The following NEK10 variants were observed in gnomAD, a reference collection of about 807,000 sequenced individuals.
NEK10 encodes the protein serine/threonine-protein kinase Nek10.
A neutral mutation model predicts 159.8 loss-of-function variants in NEK10; 122 were observed. The observed-to-expected ratio is 0.76, with a 90% CI of 0.66 to 0.89. The LOEUF is 0.89. Ranked by LOEUF, NEK10 falls within the 40% of genes least tolerant of loss-of-function variation. The pLI, the probability that NEK10 is intolerant of heterozygous loss-of-function variation, is 0.00. For synonymous variants in NEK10, 466 were observed against 457.1 expected, an observed-to-expected ratio of 1.02 and a Z score of -0.25; for missense variants, 1,342 against 1,323.1, an observed-to-expected ratio of 1.01 and a Z score of -0.22.
At position 27,310,809 on chromosome 3, in the gene NEK10, A is replaced by G. The variant is rs542000433; in HGVS notation, c.636+140T>C. 1.3e-5 allele frequency: 7 copies of G among 521,496 alleles called. No homozygotes were observed. The African/African-American group carries it at 1.4e-4, about 10-fold the overall frequency. 32.3% of individuals were successfully genotyped at this position (521,496 alleles called of 1,614,324 possible). On this transcript the variant is annotated intron_variant, in intron 9 of 35. Transcript: ENST00000691995. ...TGGTAAAGAATATAAAAGGGTTGAC[A>G]AAGATCCACAATCTCAGGCCAGGCT...
intron 28 of NEK10, among the ~76,000 whole-genome samples, chr3:27,172,524 A>G (rs1215229793): frequency 6.6e-6 from 1 of 152,070 alleles, no homozygotes; most frequent in African/African-American, 2.4e-5. Context: ...CACAACCACC[A>G]GGATATGAAA....
At chr3:27,272,767 G>C (rs1431989232) in intron 22 of NEK10, among the ~76,000 whole-genome samples, 3 of 152,152 alleles carry the variant, frequency 2.0e-5, no homozygotes, top group Middle Eastern at 3.2e-3. Flanking sequence ...TGATGACACA[G>C]ACTTTAGGGA....
At chr3:27,162,535 A>G in intron 30 of NEK10, 166 bp downstream of exon 30, 3 of 1,614,138 alleles carry the variant, frequency 1.9e-6, no homozygotes, top group Non-Finnish European at 1.7e-6. Context: ...CTCAGCCTCT[A>G]TTTCCTTAAT....
chr3:27,236,310 A>AAAT (rs1953908637), intron 23 of NEK10, among the ~76,000 whole-genome samples: 1 of 152,180 alleles, frequency 6.6e-6, no homozygotes, highest in African/African-American at 2.4e-5. Context: ...ATAAGTAAAT[A>AAAT]AATAAATGAA....
chr3:27,247,646 C>T (rs1955206710), intron 23 of NEK10, among the ~76,000 whole-genome samples: 1 of 152,006 alleles, frequency 6.6e-6, no homozygotes, highest in Non-Finnish European at 1.5e-5. Flanking sequence ...ATCATTCCTC[C>T]CGCCTCAGCC....
chr3:27,237,863 G>T (rs1183163725), intron 23 of NEK10, among the ~76,000 whole-genome samples: 1 of 152,126 alleles, frequency 6.6e-6, no homozygotes, highest in Non-Finnish European at 1.5e-5. Flanking sequence ...AGTCATCCTT[G>T]CAAAACCAGC....
At chr3:27,127,005 AAAACAAAC>A (rs199595793) in intron 32 of NEK10, among the ~76,000 whole-genome samples, 2 of 151,848 alleles carry the variant, frequency 1.3e-5, no homozygotes, top group Non-Finnish European at 2.9e-5. Flanking sequence ...GGAATACACT[AAAACAAAC>A]AAACAAACAA....
chr3:27,267,322 G>T (rs2040979396), intron 22 of NEK10, among the ~76,000 whole-genome samples: 2 of 152,166 alleles, frequency 1.3e-5, no homozygotes, highest in Admixed American at 1.3e-4. Flanking sequence ...CTCAGCCCTA[G>T]AGGTAGTAGC....
chr3:27,120,200 G>T (rs1575379346), intron 32 of NEK10, among the ~76,000 whole-genome samples: 2 of 152,122 alleles, frequency 1.3e-5, no homozygotes, highest in Admixed American at 1.3e-4. Context: ...TCAGGCATGG[G>T]AGGAATAAAC....
chr3:27,268,660 T>C (rs115899677), intron 22 of NEK10, among the ~76,000 whole-genome samples: 1,628 of 152,330 alleles, frequency 0.011, 10 homozygotes, highest in Middle Eastern at 0.037. Context: ...TTGTTGACAA[T>C]ACACCTCATC....
At chr3:27,302,587 A>T (rs932551312) in intron 12 of NEK10, among the ~76,000 whole-genome samples, 1 of 152,138 alleles carries the variant, frequency 6.6e-6, no homozygotes, top group African/African-American at 2.4e-5. Flanking sequence ...TTTACTCAGT[A>T]CACTTTCTTC....
Position 27,304,824 on chromosome 3 carries a change from C to T in NEK10, c.951G>A (p.Gln317=). The T allele has an allele frequency of 6.2e-7, 1 of 1,613,958 alleles. No homozygotes were observed. Among genetic ancestry groups the T allele is most frequent in the East Asian group, 2.2e-5 (1 of 44,880 alleles). Residue 317 remains glutamine, a synonymous_variant, in exon 12 of 36, where the codon CAG becomes CAA. Coordinates refer to ENST00000691995, the MANE Select transcript of NEK10 (RefSeq NM_001394966.1). ...CGCTGGTCTCAGGGTCCTCACAAACCTGTACCAGAATCCAGACAATGCTCC... is the reference window on the plus strand; with the variant it reads ...CGCTGGTCTCAGGGTCCTCACAAACTTGTACCAGAATCCAGACAATGCTCC... ...LLWSIVWILV[Q]VCEDPETSVE...
chr3:27,264,114 A>C (rs2040671449), intron 22 of NEK10, among the ~76,000 whole-genome samples: 1 of 152,218 alleles, frequency 6.6e-6, no homozygotes, highest in Non-Finnish European at 1.5e-5. Context: ...AAAGTGAGAT[A>C]TTAATCTGGG....
At chr3:27,239,652 A>C (rs1954331399) in intron 23 of NEK10, among the ~76,000 whole-genome samples, 1 of 152,210 alleles carries the variant, frequency 6.6e-6, no homozygotes, top group African/African-American at 2.4e-5. Context: ...AAGGTTTTCT[A>C]TCCGATCTTT....
intron 22 of NEK10, 63 bp downstream of exon 22, chr3:27,284,539 C>G (rs565735140): frequency 1.1e-6 from 1 of 932,728 alleles, no homozygotes; most frequent in Admixed American, 1.7e-5. Flanking sequence ...CTACTGGACA[C>G]TACTACTCTA....
intron 29 of NEK10, among the ~76,000 whole-genome samples, chr3:27,164,294 C>A (rs1012191089): frequency 2.0e-5 from 3 of 152,196 alleles, no homozygotes; most frequent in African/African-American, 7.2e-5. Context: ...AGGAGCAGAG[C>A]ATCTGTTCCA....
intron 23 of NEK10, among the ~76,000 whole-genome samples, chr3:27,217,799 C>T (rs1042166923): frequency 1.3e-5 from 2 of 152,088 alleles, no homozygotes; most frequent in African/African-American, 2.4e-5. Context: ...TACAGTAGTA[C>T]CCCCTTATCC....
chr3:27,332,587 T>A (rs1298951026), intron 5 of NEK10, among the ~76,000 whole-genome samples: 1 of 152,200 alleles, frequency 6.6e-6, no homozygotes, highest in African/African-American at 2.4e-5. Flanking sequence ...TTCAGCCAGA[T>A]TTGCAAGTTT....
At chr3:27,203,671 T>C (rs1422289297) in intron 23 of NEK10, among the ~76,000 whole-genome samples, 1 of 152,106 alleles carries the variant, frequency 6.6e-6, no homozygotes, top group African/African-American at 2.4e-5. Context: ...AAGATTAATA[T>C]AGTTAGCTTT....
Sources: allele counts gnomAD v4.1 joint callset (sites outside exome capture counted in the v4.1 genomes callset), GRCh38; gene constraint gnomAD v4.1.1; transcripts MANE v1.5; gene names NCBI Gene and HGNC (gene_info 2026-07-23, HGNC 2026-07-21).